DGKB: variants seen among roughly 807,000 people sequenced by gnomAD.
The protein encoded by DGKB is 90 kDa diacylglycerol kinase.
DGKB carries 67 observed loss-of-function variants against 114.3 expected under a neutral mutation model. That is an observed-to-expected ratio of 0.59 (90% CI 0.48 to 0.72). The LOEUF is 0.72. Among genes scored for constraint, DGKB ranks in the 30% least tolerant of loss-of-function variants. The pLI is 0.00. For synonymous variants in DGKB, 398 were observed against 323.1 expected, an observed-to-expected ratio of 1.23 and a Z score of -2.49; for missense variants, 907 against 975.2, an observed-to-expected ratio of 0.93 and a Z score of 0.93.
At chr7:14,891,123 C>A (rs1345705552) in intron 1 of DGKB, among the ~76,000 whole-genome samples, 3 of 151,342 alleles carry the variant, frequency 2.0e-5, no homozygotes, top group Non-Finnish European at 3.0e-5. Flanking sequence ...AGAGGAGGTA[C>A]CAGTACTCCC....
intron 2 of DGKB, among the ~76,000 whole-genome samples, chr7:14,789,203 A>G (rs927127239): frequency 2.6e-5 from 4 of 152,104 alleles, no homozygotes; most frequent in African/African-American, 9.7e-5. Flanking sequence ...AAATTACAGT[A>G]CAATATTACA....
chr7:14,574,431 T>C, intron 19 of DGKB, 59 bp from the exon 20 acceptor site: 1 of 1,484,110 alleles, frequency 6.7e-7, no homozygotes, highest in Non-Finnish European at 9.2e-7. Flanking sequence ...AAAGCTGTAT[T>C]TTTATGTTTC....
chr7:14,652,440 A>T (rs373999184), intron 13 of DGKB, among the ~76,000 whole-genome samples: 82 of 152,010 alleles, frequency 5.4e-4, no homozygotes, highest in Admixed American at 1.6e-3. Context: ...GAAAACTGGC[A>T]AGCCATATGT....
At chr7:14,862,966 C>A (rs1195472382) in intron 1 of DGKB, among the ~76,000 whole-genome samples, 1 of 151,618 alleles carries the variant, frequency 6.6e-6, no homozygotes, top group Non-Finnish European at 1.5e-5. Context: ...AAATGCCTTT[C>A]GACAGAACTC....
At chr7:14,465,247 T>A (rs1833657953) in intron 21 of DGKB, among the ~76,000 whole-genome samples, 1 of 148,970 alleles carries the variant, frequency 6.7e-6, no homozygotes, top group Admixed American at 6.6e-5. Flanking sequence ...GGATATTTCA[T>A]ATTAACATTA....
chr7:14,541,367 C>T (rs187102129), intron 20 of DGKB, among the ~76,000 whole-genome samples: 101 of 152,090 alleles, frequency 6.6e-4, no homozygotes, highest in African/African-American at 2.4e-3. Flanking sequence ...TGCGAAAGAA[C>T]CAAAAAGAAA....
chr7:14,973,600 A>G (rs1587486684), intron 1 of DGKB, among the ~76,000 whole-genome samples: 1 of 146,866 alleles, frequency 6.8e-6, no homozygotes, highest in East Asian at 2.0e-4. Flanking sequence ...ACCCTTCACC[A>G]AAGATATTTC....
chr7:14,523,387 C>T (rs934904877), intron 20 of DGKB, among the ~76,000 whole-genome samples: 7 of 152,134 alleles, frequency 4.6e-5, no homozygotes, highest in African/African-American at 1.7e-4. Flanking sequence ...TGAGCCATAG[C>T]CATGCATGCT....
intron 23 of DGKB, among the ~76,000 whole-genome samples, chr7:14,332,674 TA>T (rs1384731172): frequency 2.0e-5 from 3 of 152,182 alleles, no homozygotes; most frequent in Admixed American, 6.5e-5. Flanking sequence ...AAGACAACTG[TA>T]ATAGTAAATA....
chr7:14,650,558 T>C (rs1038642766), intron 13 of DGKB, among the ~76,000 whole-genome samples: 8 of 85,058 alleles, frequency 9.4e-5, no homozygotes, highest in South Asian at 8.0e-4. Context: ...AGATCCAAAA[T>C]TGACAGCCTA....
At chr7:14,391,035 T>C (rs945266017) in intron 21 of DGKB, among the ~76,000 whole-genome samples, 3 of 152,200 alleles carry the variant, frequency 2.0e-5, no homozygotes, top group African/African-American at 7.2e-5. Flanking sequence ...GGAAATCTTT[T>C]ATGGGGAAAA....
intron 18 of DGKB, among the ~76,000 whole-genome samples, chr7:14,582,609 T>G (rs555976400): frequency 6.6e-6 from 1 of 152,206 alleles, no homozygotes; most frequent in African/African-American, 2.4e-5. Context: ...TGAATAAAAA[T>G]TAGCTATGAT....
Position 14,427,160 on chromosome 7 carries a change from A to C in DGKB, c.1835+51001T>G, listed in dbSNP as rs1206925633. Among the ~76,000 whole-genome samples, 5 of 152,080 alleles carry C rather than the reference A, an allele frequency of 3.3e-5. No homozygotes were observed. The East Asian group carries it at 5.8e-4, about 18-fold the overall frequency. On this transcript the variant is annotated intron_variant, in intron 21 of 25. Coordinates refer to ENST00000402815, the MANE Select transcript of DGKB (RefSeq NM_001350709.2). The stretch of plus-strand genomic sequence containing the variant: ...GCATATGGGGCTTAATACCTAGGTA[A>C]TAGGTTGATAGGAGCAGCAAACCAC...
intron 2 of DGKB, among the ~76,000 whole-genome samples, chr7:14,840,857 T>C (rs2286767): frequency 0.21 from 31,198 of 151,822 alleles, 3,446 homozygotes; most frequent in African/African-American, 0.29. Flanking sequence ...CGCCCGTTTG[T>C]CCTTCTCCCT....
intron 2 of DGKB, among the ~76,000 whole-genome samples, chr7:14,781,795 AT>A (rs1562519955): frequency 6.6e-6 from 1 of 152,144 alleles, no homozygotes; most frequent in African/African-American, 2.4e-5. Context: ...CCCTAAGATA[AT>A]ATATTTCACA....
intron 20 of DGKB, among the ~76,000 whole-genome samples, chr7:14,519,530 A>G (rs767961232): frequency 1.3e-5 from 2 of 152,250 alleles, no homozygotes; most frequent in African/African-American, 4.8e-5. Context: ...GCTATAAAGA[A>G]TAATGTCGAT....
At chr7:14,708,630 G>A (rs1293395321) in intron 6 of DGKB, among the ~76,000 whole-genome samples, 11 of 151,412 alleles carry the variant, frequency 7.3e-5, no homozygotes, top group Non-Finnish European at 1.6e-4. Context: ...TAAATCAATG[G>A]AACAGAACAG....
At chr7:14,301,079 G>C (rs1803458675) in intron 23 of DGKB, among the ~76,000 whole-genome samples, 1 of 151,998 alleles carries the variant, frequency 6.6e-6, no homozygotes, top group African/African-American at 2.4e-5. Context: ...GATTTTAATA[G>C]CCATGGTTTT....
chr7:14,961,266 G>T (rs1786828510), intron 1 of DGKB, among the ~76,000 whole-genome samples: 1 of 152,014 alleles, frequency 6.6e-6, no homozygotes, highest in African/African-American at 2.4e-5. Flanking sequence ...ACATAATAAA[G>T]TTTTTTGAAC....
Sources: gnomAD v4.1 joint callset for allele counts (sites outside exome capture counted in the v4.1 genomes callset) on GRCh38, gnomAD v4.1.1 for gene constraint, MANE v1.5 for transcripts, NCBI Gene and HGNC (gene_info 2026-07-23, HGNC 2026-07-21) for gene names.